The following CCAR2 variants were observed in gnomAD, a reference collection of about 807,000 sequenced individuals.
CCAR2 encodes the protein cell cycle and apoptosis regulator 2.
CCAR2 carries 21 observed loss-of-function variants against 108.1 expected under a neutral mutation model. The ratio of observed to expected loss-of-function variants is 0.19; its 90% CI spans 0.14 to 0.28. The LOEUF (loss-of-function observed/expected upper bound fraction) is 0.28, where lower values mean the gene tolerates loss of function less well. CCAR2 is among the 10% of genes least tolerant of loss of function. The pLI, the probability that CCAR2 is intolerant of heterozygous loss-of-function variation, is 1.00. For missense variants in CCAR2, 1,126 were observed against 1,177.0 expected (o/e 0.96, Z 0.63); for synonymous variants, 577 against 472.8 (o/e 1.22, Z -2.86).
intron 11 of CCAR2, 40 bp from the exon 12 acceptor site, chr8:22,615,385 T>C (rs777301894): frequency 1.3e-6 from 2 of 1,596,972 alleles, no homozygotes; most frequent in East Asian, 4.5e-5. Context: ...TGCGTGGAGT[T>C]GTCACTAAAG....
chr8:22,605,841 G>A lies in CCAR2; in HGVS notation c.58+10G>A. The A allele has an allele frequency of 6.2e-7, 1 of 1,613,190 alleles. No homozygotes were observed. Among genetic ancestry groups the A allele is most frequent in the Non-Finnish European group, 8.5e-7 (1 of 1,179,484 alleles). Reference sequence around the variant, plus strand: ...GGACGCAACTTCTCAGGTGATCACTGTTCTCCCTACCTGGCCTCATCCTGG... The same window carrying A: ...GGACGCAACTTCTCAGGTGATCACTATTCTCCCTACCTGGCCTCATCCTGG... On this transcript the variant is annotated intron_variant, in intron 2 of 20. Coordinates refer to ENST00000308511, the MANE Select transcript of CCAR2 (RefSeq NM_001393997.1).
intron 6 of CCAR2, 142 bp downstream of exon 6, chr8:22,607,467 GTTT>G (rs34256757): frequency 0.018 from 7,288 of 398,244 alleles, no homozygotes; most frequent in East Asian, 0.034. Context: ...GGTGTTTAGG[GTTT>G]TTTTTTTTTT....
In CCAR2 at chr8:22,615,793, C is replaced by T; in HGVS notation, c.1489C>T (p.Leu497Phe). 6.2e-7 allele frequency: 1 copy of T among 1,614,016 alleles called. No homozygotes were observed. The change falls in exon 13 of 21, where the codon CTC becomes TTC. Residue 497 changes from leucine (L) to phenylalanine (F), a missense_variant. Leu to Phe is a conservative substitution (Grantham distance 22, BLOSUM62 0). Around this residue, in one of 4 missense-constraint regions of CCAR2, gnomAD observed 1,013 missense variants for 993.9 expected, o/e 1.02. Transcript: ENST00000308511. Reference protein sequence around the residue: ...ATTQQETDTDLPEAPPPPLEP... With the variant: ...ATTQQETDTDFPEAPPPPLEP... ...CACACAGCAGGAAACGGACACTGAT[C>T]TCCCAGAGGCCCCTCCACCCCCCCT...
At chr8:22,617,879 TC>T (rs1801589174) in intron 16 of CCAR2, 101 bp downstream of exon 16, 5 of 1,216,828 alleles carry the variant, frequency 4.1e-6, no homozygotes, top group Admixed American at 1.8e-5. Context: ...TGACTTCCTT[TC>T]TTGATGGACC....
chr8:22,612,862 C>A, intron 7 of CCAR2, 155 bp from the exon 8 acceptor site: 6 of 797,148 alleles, frequency 7.5e-6, no homozygotes, highest in Admixed American at 3.3e-5. Flanking sequence ...ATTTTAATAT[C>A]TTTATAACAT....
chr8:22,611,398 G>GTGTGTGTGTGTGTA (rs1468846140), intron 7 of CCAR2, among the ~76,000 whole-genome samples: 13 of 142,878 alleles, frequency 9.1e-5, no homozygotes, highest in Non-Finnish European at 3.0e-5. Flanking sequence ...ATGTGTGTGT[G>GTGTGTGTGTGTGTA]TGTGTGTATG....
chr8:22,613,517 G>C (rs535489771), intron 8 of CCAR2, among the ~76,000 whole-genome samples: 42 of 152,118 alleles, frequency 2.8e-4, no homozygotes, highest in Non-Finnish European at 5.4e-4. Flanking sequence ...TCTAGAAATG[G>C]AGCAGCTGGC....
chr8:22,616,993 T>C (rs1337912738), intron 14 of CCAR2, among the ~76,000 whole-genome samples: 1 of 138,818 alleles, frequency 7.2e-6, no homozygotes, highest in African/African-American at 2.7e-5. Flanking sequence ...ACGATTCTCC[T>C]GCCTCAGCCT....
intron 7 of CCAR2, among the ~76,000 whole-genome samples, chr8:22,609,670 A>G (rs1477272735): frequency 6.6e-6 from 1 of 152,076 alleles, no homozygotes; most frequent in Non-Finnish European, 1.5e-5. Context: ...ACAGTGTGTG[A>G]GTTTATTAAA....
chr8:22,618,794 C>T (rs1389782525), intron 18 of CCAR2, 33 bp from the exon 19 acceptor site: 1 of 1,613,130 alleles, frequency 6.2e-7, no homozygotes, highest in Non-Finnish European at 8.5e-7. Flanking sequence ...TCTGGAGACT[C>T]CATCCTGAAT....
At chr8:22,607,669 G>A (rs770209905) in intron 6 of CCAR2, among the ~76,000 whole-genome samples, 3 of 151,786 alleles carry the variant, frequency 2.0e-5, no homozygotes, top group Non-Finnish European at 4.4e-5. Context: ...CTGTCACCCA[G>A]GCTAGAGTAC....
At position 22,612,430 on chromosome 8, in the gene CCAR2, G is replaced by C. The variant is rs1801321006; in HGVS notation, c.585-587G>C. 2.0e-5 allele frequency among the ~76,000 whole-genome samples: 3 copies of C among 151,912 alleles called. No individual in the cohort carries two copies. In the South Asian group the frequency reaches 6.2e-4, roughly 32 times the overall value. On this transcript the variant is annotated intron_variant, in intron 7 of 20. Coordinates refer to ENST00000308511, the MANE Select transcript of CCAR2 (RefSeq NM_001393997.1). ...CTGCAGGCACGCACCACCAGGCCCA[G>C]CTAATTTTTGTATTTTTAGTAGAGA...
chr8:22,607,477 T>TC (rs942088923), intron 6 of CCAR2, 152 bp downstream of exon 6: 1 of 905,968 alleles, frequency 1.1e-6, no homozygotes, highest in Non-Finnish European at 1.6e-6. Context: ...GTTTTTTTTT[T>TC]TTTTTTTTTT....
At chr8:22,608,374 T>C (rs534539716) in intron 7 of CCAR2, among the ~76,000 whole-genome samples, 1 of 152,352 alleles carries the variant, frequency 6.6e-6, no homozygotes, top group Admixed American at 6.5e-5. Context: ...CTGTTTCTAG[T>C]CCCTAAGTTG....
intron 8 of CCAR2, chr8:22,613,814 T>C (rs1801391113): frequency 2.4e-6 from 1 of 412,148 alleles, no homozygotes; most frequent in Non-Finnish European, 4.3e-6. Context: ...TTTTGAACTT[T>C]TTGTTACTGA....
At chr8:22,616,279 G>C (rs1393877038) in intron 14 of CCAR2, 31 bp downstream of exon 14, 3 of 1,597,744 alleles carry the variant, frequency 1.9e-6, no homozygotes, top group Non-Finnish European at 2.6e-6. Flanking sequence ...GGCTGTCATA[G>C]TGCTTACCGT....
intron 7 of CCAR2, among the ~76,000 whole-genome samples, chr8:22,611,939 G>C (rs963987631): frequency 4.7e-5 from 6 of 128,874 alleles, no homozygotes; most frequent in Non-Finnish European, 1.0e-4. Flanking sequence ...ATTTGTAACT[G>C]TCTCTCTTTT....
rs747689887 is a variant in CCAR2, at chr8:22,619,402, C to T, written c.2727+47C>T. 1.1e-5 allele frequency: 17 copies of T among 1,537,318 alleles called. No individual in the cohort carries two copies. In the South Asian group the frequency reaches 1.9e-4, roughly 17 times the overall value. Reference sequence around the variant, plus strand: ...AGGCAGCACAGCTCCTTTCCCTGAGCTCCAAAAGTCCCCAGAAGGGCGCTT... The same window carrying T: ...AGGCAGCACAGCTCCTTTCCCTGAGTTCCAAAAGTCCCCAGAAGGGCGCTT... On this transcript the variant is annotated intron_variant, in intron 20 of 20. Transcript: ENST00000308511.
chr8:22,611,874 A>G (rs1165492971), intron 7 of CCAR2, among the ~76,000 whole-genome samples: 1 of 151,032 alleles, frequency 6.6e-6, no homozygotes, highest in Non-Finnish European at 1.5e-5. Context: ...CAAGAGTGTA[A>G]TTACTGGAGC....
Sources: allele counts gnomAD v4.1 joint callset (sites outside exome capture counted in the v4.1 genomes callset), GRCh38; gene constraint gnomAD v4.1.1; regional missense constraint gnomAD v4.1.1; transcripts MANE v1.5; gene names NCBI Gene and HGNC (gene_info 2026-07-23, HGNC 2026-07-21).